ESRRB: variants seen among roughly 807,000 people sequenced by gnomAD.
The protein encoded by ESRRB is estrogen related receptor beta.
In ESRRB, 16 loss-of-function variants were observed where a neutral mutation model predicts 46.0. The observed-to-expected ratio is 0.35, with a 90% confidence interval of 0.24 to 0.53. The LOEUF is 0.53. Among genes scored for constraint, ESRRB ranks in the 20% least tolerant of loss-of-function variants. ESRRB has a pLI of 0.93. For synonymous variants in ESRRB, 246 were observed against 259.6 expected (o/e 0.95, Z 0.50); for missense variants, 488 against 607.4 (o/e 0.80, Z 2.07).
intron 1 of ESRRB, among the ~76,000 whole-genome samples, chr14:76,358,298 C>A (rs1834313717): frequency 8.7e-6 from 1 of 115,016 alleles, no homozygotes; most frequent in East Asian, 2.9e-4. Flanking sequence ...GGATACGGAG[C>A]AAGACTCTGT....
chr14:76,501,216 A>G lies in ESRRB; in HGVS notation c.*2758A>G, dbSNP rs1480330344. On this transcript the variant is annotated 3_prime_UTR_variant, in exon 7 of 7. Coordinates refer to ENST00000644823, the MANE Select transcript of ESRRB (RefSeq NM_001379180.1). ...CAGGTCATTTGAAATGAACCAAGAA[A>G]TAAAACATGAAAATCCAACCATGGA... The G allele has an allele frequency of 6.3e-6, 1 of 157,776 alleles. No homozygotes were observed. Among genetic ancestry groups the G allele is most frequent in the East Asian group, 1.8e-4 (1 of 5,512 alleles). 9.8% of individuals were successfully genotyped at this position (157,776 alleles called of 1,614,324 possible). A position where few individuals can be genotyped will look rare whatever the true frequency, so the allele number is the denominator to read the frequency against.
chr14:76,314,217 G>A (rs571877405), intron 1 of ESRRB, among the ~76,000 whole-genome samples: 1 of 152,296 alleles, frequency 6.6e-6, no homozygotes, highest in South Asian at 2.1e-4. Flanking sequence ...GTGTGGAGCT[G>A]GAGAGAGGGG....
intron 6 of ESRRB, among the ~76,000 whole-genome samples, chr14:76,494,744 G>A (rs550140105): frequency 6.6e-6 from 1 of 152,338 alleles, no homozygotes; most frequent in African/African-American, 2.4e-5. Flanking sequence ...ATTGCAGAGG[G>A]CTTCGAGGTT....
intron 1 of ESRRB, among the ~76,000 whole-genome samples, chr14:76,326,234 AAAAAAGGTAAAGAAAG>A (rs1310532959): frequency 1.3e-5 from 2 of 152,154 alleles, no homozygotes; most frequent in Non-Finnish European, 2.9e-5. Context: ...CTAAGGGAAA[AAAAAAGGTAAAGAAAG>A]AAAGAAACTC....
At chr14:76,463,001 AC>A (rs1888937952) in intron 3 of ESRRB, among the ~76,000 whole-genome samples, 1 of 152,108 alleles carries the variant, frequency 6.6e-6, no homozygotes, top group East Asian at 1.9e-4. Context: ...ATCACCTAGC[AC>A]CCTCAAGGGC....
chr14:76,402,773 A>G (rs1595082632), intron 1 of ESRRB, among the ~76,000 whole-genome samples: 1 of 151,900 alleles, frequency 6.6e-6, no homozygotes, highest in Non-Finnish European at 1.5e-5. Context: ...GCCTCAAGCT[A>G]CCCTCCTGCC....
At chr14:76,445,466 C>CAAAAAAAAA (rs747627410) in intron 2 of ESRRB, among the ~76,000 whole-genome samples, 3 of 79,794 alleles carry the variant, frequency 3.8e-5, no homozygotes, top group Non-Finnish European at 8.4e-5. Context: ...AACTCCGTCT[C>CAAAAAAAAA]AAAAAAAAAA....
At chr14:76,465,857 G>A (rs531092293) in intron 3 of ESRRB, among the ~76,000 whole-genome samples, 2 of 152,318 alleles carry the variant, frequency 1.3e-5, no homozygotes, top group South Asian at 4.1e-4. Flanking sequence ...TACGGACAAA[G>A]CAGGGAGCCA....
intron 3 of ESRRB, among the ~76,000 whole-genome samples, chr14:76,480,227 A>G (rs1264039321): frequency 2.0e-5 from 3 of 152,174 alleles, no homozygotes; most frequent in Non-Finnish European, 2.9e-5. Context: ...CCCGACTAAA[A>G]AACGTTTAGC....
At position 76,385,708 on chromosome 14, in the gene ESRRB, T is replaced by A. The variant is rs183116099; in HGVS notation, c.50+9257T>A. Reference sequence around the variant, plus strand: ...TGATAATTCACTGAAATTAAGACAGTTTCCTGTGTAAGTGGCATATAACCA... The same window carrying A: ...TGATAATTCACTGAAATTAAGACAGATTCCTGTGTAAGTGGCATATAACCA... On this transcript the variant is annotated intron_variant, in intron 1 of 6. Transcript: ENST00000644823. Among the ~76,000 whole-genome samples the A allele has an allele frequency of 2.9e-3, 439 of 152,328 alleles. 1 individual carries two copies. Among genetic ancestry groups the A allele is most frequent in the African/African-American group, 9.0e-3 (375 of 41,578 alleles).
At position 76,331,346 on chromosome 14, in the gene ESRRB, T is replaced by A. The variant is rs528165580; in HGVS notation, c.2+20430T>A. Among the ~76,000 whole-genome samples the A allele has an allele frequency of 5.3e-5, 8 of 152,290 alleles. No homozygotes were observed. The South Asian group carries it at 1.7e-3, about 32-fold the overall frequency. On this transcript the variant is annotated intron_variant, in intron 1 of 6. Transcript: ENST00000512784. ...CCTGGCCCCATCTGTGAATTCACCTTTGTGCCTCAGTTTCCTCATCTGTAA... is the reference window on the plus strand; with the variant it reads ...CCTGGCCCCATCTGTGAATTCACCTATGTGCCTCAGTTTCCTCATCTGTAA...
At chr14:76,411,644 C>T (rs1255423716) in intron 1 of ESRRB, among the ~76,000 whole-genome samples, 2 of 152,162 alleles carry the variant, frequency 1.3e-5, no homozygotes, top group East Asian at 3.9e-4. Flanking sequence ...GCAGCACGTG[C>T]TGCAAATTGT....
intron 1 of ESRRB, among the ~76,000 whole-genome samples, chr14:76,405,276 C>T (rs77934830): frequency 6.6e-6 from 1 of 151,826 alleles, no homozygotes; most frequent in Non-Finnish European, 1.5e-5. Flanking sequence ...CCACTACACC[C>T]GGCTAATTTT....
intron 1 of ESRRB, among the ~76,000 whole-genome samples, chr14:76,338,621 T>C (rs899202841): frequency 6.6e-6 from 1 of 152,238 alleles, no homozygotes; most frequent in African/African-American, 2.4e-5. Context: ...TTTGTGTTCC[T>C]TTAGGAAATA....
intron 3 of ESRRB, among the ~76,000 whole-genome samples, chr14:76,476,125 G>A (rs1310606152): frequency 6.6e-6 from 1 of 151,788 alleles, no homozygotes; most frequent in Non-Finnish European, 1.5e-5. Context: ...TGCCCAGGCT[G>A]GAGTGAAATG....
chr14:76,369,821 A>G (rs564880170), upstream of ESRRB, among the ~76,000 whole-genome samples: 31 of 152,334 alleles, frequency 2.0e-4, 1 homozygote, highest in South Asian at 6.4e-3. Flanking sequence ...CTTAACAACA[A>G]TACAAGTGTG....
At chr14:76,321,323 G>A (rs1007971383) in intron 1 of ESRRB, among the ~76,000 whole-genome samples, 5 of 151,962 alleles carry the variant, frequency 3.3e-5, no homozygotes, top group African/African-American at 9.7e-5. Flanking sequence ...AGGTAATCTC[G>A]GGTCTTTGTC....
intron 3 of ESRRB, among the ~76,000 whole-genome samples, chr14:76,480,567 C>T (rs1376175337): frequency 1.3e-5 from 2 of 152,154 alleles, no homozygotes; most frequent in Non-Finnish European, 2.9e-5. Flanking sequence ...GAAAATAGCC[C>T]CAGGCATGAA....
chr14:76,339,783 G>A (rs1884170359), intron 1 of ESRRB, among the ~76,000 whole-genome samples: 1 of 152,188 alleles, frequency 6.6e-6, no homozygotes. Flanking sequence ...CTGCCTCTAT[G>A]GCCCCAGGAA....
Sources: gnomAD v4.1 joint callset for allele counts (sites outside exome capture counted in the v4.1 genomes callset) on GRCh38, gnomAD v4.1.1 for gene constraint, MANE v1.5 for transcripts, NCBI Gene and HGNC (gene_info 2026-07-23, HGNC 2026-07-21) for gene names.